The following VSTM4 variants were observed in gnomAD, a reference collection of about 807,000 sequenced individuals.
VSTM4 encodes the protein V-set and transmembrane domain-containing protein 4.
In VSTM4, 20 loss-of-function variants were observed where a neutral mutation model predicts 36.4. The ratio of observed to expected loss-of-function variants is 0.55; its 90% confidence interval spans 0.39 to 0.80. The LOEUF is 0.80. VSTM4 is among the 30% of genes least tolerant of loss of function. The pLI is 0.00. For synonymous variants in VSTM4, 182 were observed against 173.9 expected, an observed-to-expected ratio of 1.05 and a Z score of -0.37; for missense variants, 392 against 404.5, an observed-to-expected ratio of 0.97 and a Z score of 0.26.
intron 4 of VSTM4, among the ~76,000 whole-genome samples, chr10:49,072,760 C>T (rs1041726005): frequency 6.6e-6 from 1 of 152,206 alleles, no homozygotes; most frequent in East Asian, 1.9e-4. Flanking sequence ...TCCTATTTGT[C>T]TCAGAGGCAG....
chr10:49,046,947 TA>T, intron 7 of VSTM4, 35 bp downstream of exon 7: 2 of 1,597,860 alleles, frequency 1.3e-6, no homozygotes, highest in Non-Finnish European at 1.7e-6. Flanking sequence ...GTCTGAGGCT[TA>T]AGGTATGATA....
intron 5 of VSTM4, 76 bp downstream of exon 5, chr10:49,064,627 T>A (rs1319686981): frequency 6.7e-7 from 1 of 1,496,844 alleles, no homozygotes; most frequent in African/African-American, 1.4e-5. Flanking sequence ...ACAAATTTAA[T>A]CAATTTATTG....
In VSTM4 at chr10:49,114,239, G is replaced by A. The variant is rs545068097; in HGVS notation, c.55+1192C>T. ...CTGCACTCATAGCTGGGGGACAGTA[G>A]ATGGATTTCTTCCCACTGTTATCCA... is the stretch of plus-strand genomic sequence containing the variant. On this transcript the variant is annotated intron_variant, in intron 1 of 7. Coordinates refer to ENST00000332853, the MANE Select transcript of VSTM4 (RefSeq NM_001031746.5). 6.6e-5 allele frequency among the ~76,000 whole-genome samples: 10 copies of A among 152,328 alleles called. 1 individual carries two copies. The South Asian group carries it at 2.1e-3, about 32-fold the overall frequency.
intron 3 of VSTM4, among the ~76,000 whole-genome samples, chr10:49,084,674 T>A (rs1273918666): frequency 6.6e-6 from 1 of 152,222 alleles, no homozygotes; most frequent in Non-Finnish European, 1.5e-5. Context: ...TGTTGTACCA[T>A]CACCAGACAT....
intron 7 of VSTM4, among the ~76,000 whole-genome samples, chr10:49,026,277 T>C (rs1245040951): frequency 6.6e-6 from 1 of 152,148 alleles, no homozygotes; most frequent in East Asian, 1.9e-4. Context: ...GTCTCCAGGT[T>C]TAAGTGACTG....
At chr10:49,104,286 A>G (rs367745365) in intron 2 of VSTM4, among the ~76,000 whole-genome samples, 2 of 151,802 alleles carry the variant, frequency 1.3e-5, no homozygotes, top group African/African-American at 4.8e-5. Flanking sequence ...GAGACAGAGC[A>G]AGGAGACTCT....
At chr10:49,109,973 G>T (rs2132030151) in intron 1 of VSTM4, among the ~76,000 whole-genome samples, 1 of 152,372 alleles carries the variant, frequency 6.6e-6, no homozygotes, top group Non-Finnish European at 1.5e-5. Context: ...AGTCCACACA[G>T]CTCCCACGGC....
chr10:49,106,692 C>T (rs980042614), intron 2 of VSTM4, among the ~76,000 whole-genome samples: 1 of 152,158 alleles, frequency 6.6e-6, no homozygotes, highest in Admixed American at 6.5e-5. Flanking sequence ...CATGGGTGCC[C>T]GGCACCCCCC....
intron 4 of VSTM4, among the ~76,000 whole-genome samples, chr10:49,073,243 C>A (rs1051948711): frequency 6.6e-6 from 1 of 152,212 alleles, no homozygotes; most frequent in African/African-American, 2.4e-5. Flanking sequence ...GAGCAACCTT[C>A]TTGGGCACCA....
chr10:49,086,300 A>G (rs1458726520), intron 2 of VSTM4, among the ~76,000 whole-genome samples: 1 of 152,244 alleles, frequency 6.6e-6, no homozygotes, highest in Non-Finnish European at 1.5e-5. Context: ...TTGAAAAATA[A>G]GAAGTTCCCA....
chr10:49,086,155 G>C (rs1183257718), intron 2 of VSTM4, 132 bp from the exon 3 acceptor site: 2 of 549,548 alleles, frequency 3.6e-6, no homozygotes, highest in Non-Finnish European at 6.4e-6. Flanking sequence ...TGTTAGGGAG[G>C]GGTGCAAGGA....
intron 5 of VSTM4, 56 bp from the exon 6 acceptor site, chr10:49,048,640 A>G: frequency 6.9e-7 from 1 of 1,457,232 alleles, no homozygotes; most frequent in Admixed American, 2.3e-5. Context: ...CAAAAGAGAA[A>G]GGAAAAAAAA....
chr10:49,038,886 G>C (rs1439593378), intron 7 of VSTM4, among the ~76,000 whole-genome samples: 1 of 152,120 alleles, frequency 6.6e-6, no homozygotes. Context: ...CAACATTCTA[G>C]GACAGTGGAG....
chr10:49,097,897 C>T (rs1287802750), intron 2 of VSTM4, among the ~76,000 whole-genome samples: 3 of 152,176 alleles, frequency 2.0e-5, no homozygotes, highest in African/African-American at 7.2e-5. Context: ...ATTAACTGCT[C>T]TTTGTTTGTT....
At chr10:49,029,183 A>G (rs1843308552) in intron 7 of VSTM4, among the ~76,000 whole-genome samples, 1 of 152,206 alleles carries the variant, frequency 6.6e-6, no homozygotes, top group Non-Finnish European at 1.5e-5. Flanking sequence ...TATCAGTCCT[A>G]CTATCATCGA....
intron 1 of VSTM4, among the ~76,000 whole-genome samples, chr10:49,114,035 G>A (rs973400068): frequency 4.6e-5 from 7 of 152,164 alleles, no homozygotes; most frequent in African/African-American, 1.2e-4. Flanking sequence ...ATTAGAAGGT[G>A]GTCATGGAGC....
At chr10:49,107,338 T>C (rs1444051825) in intron 2 of VSTM4, among the ~76,000 whole-genome samples, 3 of 152,256 alleles carry the variant, frequency 2.0e-5, no homozygotes, top group East Asian at 3.8e-4. Context: ...TGCCCAGAGA[T>C]TGGGCTGGGC....
chr10:49,027,915 G>A (rs990875043), intron 7 of VSTM4, among the ~76,000 whole-genome samples: 2 of 152,202 alleles, frequency 1.3e-5, no homozygotes, highest in African/African-American at 4.8e-5. Flanking sequence ...GTTTTTGTGT[G>A]ATGTTTTCAT....
At chr10:49,101,012 T>C (rs1844655908) in intron 2 of VSTM4, among the ~76,000 whole-genome samples, 1 of 152,000 alleles carries the variant, frequency 6.6e-6, no homozygotes, top group African/African-American at 2.4e-5. Flanking sequence ...ATACCTTATA[T>C]AAAAAAACAG....
Sources: allele counts gnomAD v4.1 joint callset (sites outside exome capture counted in the v4.1 genomes callset), GRCh38; gene constraint gnomAD v4.1.1; transcripts MANE v1.5; gene names NCBI Gene and HGNC (gene_info 2026-07-23, HGNC 2026-07-21).